The following CDC42BPA variants were observed in gnomAD, a reference collection of about 807,000 sequenced individuals.
CDC42BPA encodes the protein CDC42 binding protein kinase alpha, also known as serine/threonine-protein kinase MRCK alpha.
In CDC42BPA, 80 loss-of-function variants were observed where a neutral mutation model predicts 223.5. That is an observed-to-expected ratio of 0.36 (90% CI 0.30 to 0.43). The LOEUF (loss-of-function observed/expected upper bound fraction) is 0.43. Among genes scored for constraint, CDC42BPA ranks in the 20% least tolerant of loss-of-function variants. The probability of loss-of-function intolerance (pLI) is 1.00; values close to 1 mark genes in which losing one functional copy is unlikely to be tolerated. For missense variants in CDC42BPA, 1,743 were observed against 2,099.9 expected (o/e 0.83, Z 3.32); for synonymous variants, 694 against 718.6 (o/e 0.97, Z 0.55).
At chr1:227,314,481 A>C (rs1225479809) in intron 1 of CDC42BPA, among the ~76,000 whole-genome samples, 6 of 152,066 alleles carry the variant, frequency 3.9e-5, no homozygotes, top group Non-Finnish European at 8.8e-5. Flanking sequence ...TTGAATTGTC[A>C]GTTTTCTTAT....
chr1:227,143,779 T>C (rs1009638919), intron 8 of CDC42BPA, among the ~76,000 whole-genome samples: 2 of 152,214 alleles, frequency 1.3e-5, no homozygotes, highest in African/African-American at 4.8e-5. Context: ...TATTGATCAG[T>C]TGATCAGAGG....
chr1:227,241,387 A>G (rs554539589), intron 2 of CDC42BPA, among the ~76,000 whole-genome samples: 16 of 152,258 alleles, frequency 1.1e-4, no homozygotes, highest in Non-Finnish European at 1.6e-4. Flanking sequence ...AAAAACCTGT[A>G]GGAGAATATT....
chr1:227,198,462 G>T (rs373809018), intron 4 of CDC42BPA, among the ~76,000 whole-genome samples: 6 of 85,402 alleles, frequency 7.0e-5, no homozygotes, highest in African/African-American at 2.5e-4. Context: ...AGAAAAGAAA[G>T]AAAGAAAGAA....
chr1:227,133,182 C>T (rs1229972404), intron 10 of CDC42BPA, among the ~76,000 whole-genome samples: 1 of 150,812 alleles, frequency 6.6e-6, no homozygotes, highest in Non-Finnish European at 1.5e-5. Context: ...AACCCCTCTG[C>T]CTGGCCGGCT....
chr1:227,017,840 T>C (rs372463955), intron 32 of CDC42BPA, among the ~76,000 whole-genome samples: 12 of 151,654 alleles, frequency 7.9e-5, no homozygotes, highest in South Asian at 4.2e-4. Context: ...CTAAATAAGA[T>C]AAGGAAAAAG....
At chr1:227,102,954 A>G (rs186634313) in intron 14 of CDC42BPA, among the ~76,000 whole-genome samples, 3 of 151,904 alleles carry the variant, frequency 2.0e-5, no homozygotes, top group Non-Finnish European at 4.4e-5. Context: ...AAGTCCCACA[A>G]TAAAACCATT....
intron 2 of CDC42BPA, among the ~76,000 whole-genome samples, chr1:227,224,407 T>C (rs1289039121): frequency 6.6e-6 from 1 of 152,042 alleles, no homozygotes; most frequent in Non-Finnish European, 1.5e-5. Context: ...TAATTTTGTA[T>C]GTTTAGTAGA....
chr1:227,047,145 T>C (rs899098620), intron 23 of CDC42BPA, among the ~76,000 whole-genome samples: 1 of 152,142 alleles, frequency 6.6e-6, no homozygotes, highest in Admixed American at 6.5e-5. Context: ...ACTATTAAAG[T>C]CATCTATTTA....
At chr1:227,270,764 T>C (rs1428918383) in intron 1 of CDC42BPA, among the ~76,000 whole-genome samples, 3 of 152,134 alleles carry the variant, frequency 2.0e-5, no homozygotes, top group Non-Finnish European at 4.4e-5. Context: ...CCACATCCCA[T>C]GCCTGGTAAC....
At chr1:227,027,073 G>A (rs941663732) in intron 30 of CDC42BPA, among the ~76,000 whole-genome samples, 1 of 152,156 alleles carries the variant, frequency 6.6e-6, no homozygotes, top group African/African-American at 2.4e-5. Context: ...GATTACAGGT[G>A]TAAGCCACTG....
intron 17 of CDC42BPA, among the ~76,000 whole-genome samples, chr1:227,078,222 C>A (rs1320504910): frequency 6.6e-6 from 1 of 152,096 alleles, no homozygotes; most frequent in Non-Finnish European, 1.5e-5. Context: ...ATTATTCCCA[C>A]CCTTCTTGAG....
intron 14 of CDC42BPA, among the ~76,000 whole-genome samples, chr1:227,109,622 T>C (rs1686571399): frequency 6.6e-6 from 1 of 152,096 alleles, no homozygotes; most frequent in African/African-American, 2.4e-5. Context: ...TACCTCAGCC[T>C]CCCAAAGTGC....
chr1:227,303,961 C>A (rs988214521), intron 1 of CDC42BPA, among the ~76,000 whole-genome samples: 1 of 152,168 alleles, frequency 6.6e-6, no homozygotes, highest in Non-Finnish European at 1.5e-5. Context: ...AATCTAAGAA[C>A]TTTTACCTTG....
intron 1 of CDC42BPA, among the ~76,000 whole-genome samples, chr1:227,278,572 C>A (rs1687506103): frequency 6.6e-6 from 1 of 152,130 alleles, no homozygotes; most frequent in Non-Finnish European, 1.5e-5. Flanking sequence ...GGGATTAGTA[C>A]TACAAAATAT....
intron 5 of CDC42BPA, among the ~76,000 whole-genome samples, chr1:227,165,878 T>G (rs1313550260): frequency 1.3e-5 from 2 of 152,196 alleles, no homozygotes; most frequent in Admixed American, 6.5e-5. Flanking sequence ...AATATAACCT[T>G]TTTTTGTATT....
intron 8 of CDC42BPA, among the ~76,000 whole-genome samples, chr1:227,143,381 G>C (rs529591144): frequency 1.3e-5 from 2 of 152,292 alleles, no homozygotes; most frequent in South Asian, 4.1e-4. Flanking sequence ...GCAGAGCAGA[G>C]AAAAATTTGA....
chr1:227,171,416 T>C (rs1213171399), intron 5 of CDC42BPA, among the ~76,000 whole-genome samples: 1 of 151,556 alleles, frequency 6.6e-6, no homozygotes, highest in African/African-American at 2.4e-5. Context: ...AGTCCAGGAG[T>C]TTATGACCAG....
At chr1:227,249,373 C>T (rs560827349) in intron 2 of CDC42BPA, among the ~76,000 whole-genome samples, 1 of 152,174 alleles carries the variant, frequency 6.6e-6, no homozygotes, top group South Asian at 2.1e-4. Flanking sequence ...CTGGTCTGCA[C>T]AAAAATTTCT....
intron 16 of CDC42BPA, among the ~76,000 whole-genome samples, chr1:227,081,839 G>A (rs1446345518): frequency 6.6e-6 from 1 of 152,074 alleles, no homozygotes; most frequent in African/African-American, 2.4e-5. Context: ...ACATATCACT[G>A]TATGTATCTC....
Sources: gnomAD v4.1 joint callset for allele counts (sites outside exome capture counted in the v4.1 genomes callset) on GRCh38, gnomAD v4.1.1 for gene constraint, MANE v1.5 for transcripts, NCBI Gene and HGNC (gene_info 2026-07-23, HGNC 2026-07-21) for gene names.